The following EXT1 variants were observed in gnomAD, a reference collection of about 807,000 sequenced individuals.
EXT1 encodes exostosin-1.
A neutral mutation model predicts 82.5 loss-of-function variants in EXT1; 20 were observed. That is an observed-to-expected ratio of 0.24 (90% CI 0.17 to 0.35). The LOEUF (loss-of-function observed/expected upper bound fraction) is 0.35, where lower values mean the gene tolerates loss of function less well. Ranked by LOEUF, EXT1 falls within the 10% of genes least tolerant of loss-of-function variation. The pLI is 1.00. For missense variants in EXT1, 757 were observed against 936.5 expected, an observed-to-expected ratio of 0.81 and a Z score of 2.50; for synonymous variants, 348 against 350.8, an observed-to-expected ratio of 0.99 and a Z score of 0.09.
intron 1 of EXT1, among the ~76,000 whole-genome samples, chr8:118,039,380 T>G (rs886487511): frequency 4.6e-5 from 7 of 151,576 alleles, no homozygotes; most frequent in African/African-American, 1.5e-4. Context: ...GCCAACATGG[T>G]GAAACCCCGT....
At chr8:118,063,897 C>T (rs945351157) in intron 1 of EXT1, among the ~76,000 whole-genome samples, 4 of 152,058 alleles carry the variant, frequency 2.6e-5, no homozygotes, top group Non-Finnish European at 4.4e-5. Flanking sequence ...GACGGAGTCT[C>T]GCTCTGTGGC....
At chr8:118,044,832 C>T (rs905930015) in intron 1 of EXT1, among the ~76,000 whole-genome samples, 1 of 152,220 alleles carries the variant, frequency 6.6e-6, no homozygotes, top group Non-Finnish European at 1.5e-5. Flanking sequence ...CCACCGCATG[C>T]TTTTGTAAAC....
intron 1 of EXT1, among the ~76,000 whole-genome samples, chr8:118,051,859 G>T (rs17454043): frequency 6.6e-6 from 1 of 152,136 alleles, no homozygotes; most frequent in East Asian, 1.9e-4. Context: ...ACTGTTTTCT[G>T]CTGTGCATCT....
chr8:117,837,883 G>A (rs71530885), intron 1 of EXT1, among the ~76,000 whole-genome samples: 5,179 of 151,996 alleles, frequency 0.034, 129 homozygotes, highest in Middle Eastern at 0.071. Context: ...GAACTAGGAG[G>A]GGGTACAGGA....
chr8:117,921,833 A>T (rs3134313), intron 1 of EXT1, among the ~76,000 whole-genome samples: 14,716 of 152,230 alleles, frequency 0.097, 2,008 homozygotes, highest in African/African-American at 0.3. Context: ...AAGCACATAG[A>T]CACAATTATC....
chr8:117,816,599 C>T (rs1256223682), intron 7 of EXT1, among the ~76,000 whole-genome samples: 1 of 152,120 alleles, frequency 6.6e-6, no homozygotes, highest in Non-Finnish European at 1.5e-5. Context: ...ATAGATGCAG[C>T]TGGGAGGATC....
intron 1 of EXT1, among the ~76,000 whole-genome samples, chr8:118,076,469 A>G (rs1435117269): frequency 6.6e-6 from 1 of 152,212 alleles, no homozygotes; most frequent in Non-Finnish European, 1.5e-5. Flanking sequence ...TATTTCCACT[A>G]TCACGCAGTA....
intron 1 of EXT1, among the ~76,000 whole-genome samples, chr8:117,890,825 T>C (rs1345825537): frequency 6.6e-6 from 1 of 152,216 alleles, no homozygotes; most frequent in Admixed American, 6.5e-5. Context: ...TCAACTTTTC[T>C]TTTTAGAGAT....
At chr8:118,054,787 A>T (rs1188401033) in intron 1 of EXT1, among the ~76,000 whole-genome samples, 1 of 152,156 alleles carries the variant, frequency 6.6e-6, no homozygotes. Context: ...CTCTCAAAGT[A>T]CCTGGAAGAA....
intron 4 of EXT1, among the ~76,000 whole-genome samples, chr8:117,827,696 G>A (rs541380891): frequency 1.2e-4 from 16 of 133,866 alleles, no homozygotes; most frequent in Non-Finnish European, 2.5e-4. Flanking sequence ...TGAGGCCTCA[G>A]AAATGCTTGA....
chr8:117,912,308 T>A (rs989827537), intron 1 of EXT1, among the ~76,000 whole-genome samples: 1 of 152,312 alleles, frequency 6.6e-6, no homozygotes, highest in Middle Eastern at 3.4e-3. Context: ...AGCCCTGAGA[T>A]TTACCCTTTA....
At chr8:118,074,208 T>C (rs982570579) in intron 1 of EXT1, among the ~76,000 whole-genome samples, 40 of 152,042 alleles carry the variant, frequency 2.6e-4, no homozygotes, top group Non-Finnish European at 4.0e-4. Flanking sequence ...TAGGAAAATA[T>C]GCATTTTTCT....
rs187939168 is a variant in EXT1, at chr8:117,920,208, G to A, written c.963-83007C>T. Among the ~76,000 whole-genome samples the A allele has an allele frequency of 2.2e-4, 34 of 152,194 alleles. No individual in the cohort carries two copies. In the East Asian group the frequency reaches 5.2e-3, roughly 23 times the overall value. On this transcript the variant is annotated intron_variant, in intron 1 of 10. Transcript: ENST00000378204. ...CAACCTCCACCTCCCAGGTTCAGGC[G>A]ATTCTCTTGCCTCAGCCTCCCGAGT...
chr8:117,827,784 C>CAAAAAAAAAAAAAAAAAAA (rs768731740), intron 4 of EXT1, among the ~76,000 whole-genome samples: 8 of 54,140 alleles, frequency 1.5e-4, no homozygotes, highest in African/African-American at 4.8e-4. Context: ...GACTCTGTCT[C>CAAAAAAAAAAAAAAAAAAA]AAAAAAAAAA....
At chr8:118,107,804 T>C (rs1414381940) in intron 1 of EXT1, among the ~76,000 whole-genome samples, 2 of 152,192 alleles carry the variant, frequency 1.3e-5, no homozygotes, top group Non-Finnish European at 2.9e-5. Flanking sequence ...AAACTCCAGG[T>C]GTACCAGGCG....
chr8:118,053,725 G>A (rs1213331821), intron 1 of EXT1, among the ~76,000 whole-genome samples: 3 of 152,176 alleles, frequency 2.0e-5, no homozygotes, highest in Non-Finnish European at 4.4e-5. Flanking sequence ...TACACATGAG[G>A]GAGCTGAAGT....
At chr8:117,936,053 C>T (rs1814156171) in intron 1 of EXT1, among the ~76,000 whole-genome samples, 1 of 152,194 alleles carries the variant, frequency 6.6e-6, no homozygotes, top group African/African-American at 2.4e-5. Context: ...AAAAGCTCTG[C>T]ATTTGGAAAA....
intron 1 of EXT1, among the ~76,000 whole-genome samples, chr8:118,050,083 C>T (rs1563640428): frequency 6.6e-6 from 1 of 152,084 alleles, no homozygotes; most frequent in Non-Finnish European, 1.5e-5. Flanking sequence ...GGGCTAAACG[C>T]CACCAGTTTA....
At chr8:117,859,885 G>A (rs985579409) in intron 1 of EXT1, among the ~76,000 whole-genome samples, 4 of 152,194 alleles carry the variant, frequency 2.6e-5, no homozygotes, top group East Asian at 1.9e-4. Context: ...AGTGGCTCAC[G>A]CCTGTAATCC....
Sources: allele counts gnomAD v4.1 joint callset (sites outside exome capture counted in the v4.1 genomes callset), GRCh38; gene constraint gnomAD v4.1.1; transcripts MANE v1.5; gene names NCBI Gene and HGNC (gene_info 2026-07-23, HGNC 2026-07-21).